The following PDE10A variants were observed in gnomAD, a reference collection of about 807,000 sequenced individuals.
PDE10A encodes the protein phosphodiesterase 10A, also known as cAMP and cAMP-inhibited cGMP 3',5'-cyclic phosphodiesterase 10A.
Under a neutral mutation model 97.7 loss-of-function variants are expected in PDE10A, and 39 were observed. The observed-to-expected ratio is 0.40, with a 90% CI of 0.31 to 0.52. The LOEUF (loss-of-function observed/expected upper bound fraction) is 0.52. Ranked by LOEUF, PDE10A falls within the 20% of genes least tolerant of loss-of-function variation. PDE10A has a pLI of 0.56. For missense variants in PDE10A, 731 were observed against 1,047.8 expected (o/e 0.70, Z 4.17); for synonymous variants, 371 against 376.8 (o/e 0.98, Z 0.18).
At chr6:165,515,287 T>G (rs1200529978) in intron 2 of PDE10A, among the ~76,000 whole-genome samples, 2 of 152,148 alleles carry the variant, frequency 1.3e-5, no homozygotes, top group Non-Finnish European at 2.9e-5. Context: ...GTTAACTATG[T>G]TCTCAATACT....
chr6:165,678,123 TTG>T (rs780792432), intron 1 of PDE10A, among the ~76,000 whole-genome samples: 255 of 23,470 alleles, frequency 0.011, no homozygotes, highest in Non-Finnish European at 0.023. Flanking sequence ...GTGGGTGTGT[TTG>T]TGTTTGTGTA....
upstream of PDE10A, among the ~76,000 whole-genome samples, chr6:165,664,011 G>C (rs185754179): frequency 4.6e-5 from 7 of 152,330 alleles, no homozygotes; most frequent in Non-Finnish European, 1.0e-4. Context: ...GGCACGCGCG[G>C]CGGGGCCACC....
chr6:165,570,690 T>C (rs1360987090), intron 1 of PDE10A, among the ~76,000 whole-genome samples: 1 of 152,244 alleles, frequency 6.6e-6, no homozygotes, highest in African/African-American at 2.4e-5. Context: ...ATCACTTTCT[T>C]AAGCATTGAT....
intron 3 of PDE10A, among the ~76,000 whole-genome samples, chr6:165,455,055 TG>T (rs1251266693): frequency 6.6e-6 from 1 of 152,208 alleles, no homozygotes; most frequent in Admixed American, 6.5e-5. Flanking sequence ...GGCAGCCATT[TG>T]CCTGGGTGAC....
At chr6:165,727,911 G>C (rs1216315660) in intron 1 of PDE10A, among the ~76,000 whole-genome samples, 1 of 152,068 alleles carries the variant, frequency 6.6e-6, no homozygotes. Flanking sequence ...GCATCAGGAG[G>C]AAAGGAAAAA....
chr6:165,609,885 C>T (rs1049790733), intron 1 of PDE10A, among the ~76,000 whole-genome samples: 16 of 152,170 alleles, frequency 1.1e-4, no homozygotes, highest in Admixed American at 4.6e-4. Context: ...AAGAACATTC[C>T]ATGCTCATGG....
rs1780966554 is a variant in PDE10A, at chr6:165,863,683, ACTAT to A, written c.-615+123842_-615+123845del. On this transcript the variant is annotated intron_variant, in intron 1 of 19. Coordinates refer to the PDE10A transcript ENST00000366882. ...ATGGGAGTTAGTCATACAATACTTCACTATCAATCAATAAACAAAAATGAATATA... is the reference window on the plus strand; with the variant it reads ...ATGGGAGTTAGTCATACAATACTTCACAATCAATAAACAAAAATGAATATA... Among the ~76,000 whole-genome samples the A allele has an allele frequency of 2.0e-5, 3 of 152,238 alleles. No individual in the cohort carries two copies. In the South Asian group the frequency reaches 6.2e-4, roughly 31 times the overall value.
chr6:165,890,033 C>CTCACTCCTCCCTCACTCT (rs1781746836), intron 1 of PDE10A, among the ~76,000 whole-genome samples: 1 of 138,362 alleles, frequency 7.2e-6, no homozygotes, highest in Non-Finnish European at 1.6e-5. Context: ...TCCTCCCTCC[C>CTCACTCCTCCCTCACTCT]TCACTCCTCC....
intron 1 of PDE10A, among the ~76,000 whole-genome samples, chr6:165,818,865 G>A (rs1001806401): frequency 6.6e-6 from 1 of 152,204 alleles, no homozygotes; most frequent in East Asian, 1.9e-4. Context: ...GTGTTAGACA[G>A]TACACAGCTG....
At chr6:165,381,165 T>C (rs1168452941) in intron 17 of PDE10A, among the ~76,000 whole-genome samples, 2 of 152,228 alleles carry the variant, frequency 1.3e-5, no homozygotes, top group Non-Finnish European at 2.9e-5. Context: ...GCCTAGGCTC[T>C]GTAAATTCTG....
chr6:165,369,046 CAG>C (rs1784021200), intron 18 of PDE10A, among the ~76,000 whole-genome samples: 1 of 152,040 alleles, frequency 6.6e-6, no homozygotes, highest in South Asian at 2.1e-4. Context: ...AACTAACAAA[CAG>C]AAAGGACATC....
intron 1 of PDE10A, among the ~76,000 whole-genome samples, chr6:165,954,540 C>T (rs764114129): frequency 3.3e-5 from 5 of 152,124 alleles, no homozygotes; most frequent in Non-Finnish European, 7.4e-5. Context: ...GGTTAGGATT[C>T]GTTTTGCTAA....
intron 16 of PDE10A, among the ~76,000 whole-genome samples, chr6:165,392,263 T>C (rs1314278007): frequency 5.3e-5 from 8 of 152,236 alleles, no homozygotes; most frequent in Admixed American, 3.9e-4. Flanking sequence ...AAAACACTTA[T>C]GTCTTCACAG....
intron 13 of PDE10A, among the ~76,000 whole-genome samples, chr6:165,407,217 A>AT (rs1176596406): frequency 3.9e-5 from 6 of 152,104 alleles, no homozygotes; most frequent in African/African-American, 1.4e-4. Context: ...CTTCGTAGTA[A>AT]TTGTCTTCCC....
chr6:165,800,908 G>A (rs1583110773), intron 1 of PDE10A, among the ~76,000 whole-genome samples: 2 of 152,154 alleles, frequency 1.3e-5, no homozygotes, highest in African/African-American at 4.8e-5. Flanking sequence ...ACTGCACTCT[G>A]AGAGTTGAAA....
At chr6:165,793,147 T>C (rs978438993) in intron 1 of PDE10A, among the ~76,000 whole-genome samples, 1 of 152,114 alleles carries the variant, frequency 6.6e-6, no homozygotes, top group Non-Finnish European at 1.5e-5. Flanking sequence ...AAACTGGGCT[T>C]TATGTGGAAG....
chr6:165,511,772 T>C (rs1005995798), intron 2 of PDE10A, among the ~76,000 whole-genome samples: 3 of 152,076 alleles, frequency 2.0e-5, no homozygotes, highest in African/African-American at 7.2e-5. Flanking sequence ...CTACATGATC[T>C]CATTTGTATT....
chr6:165,984,118 T>C (rs1785107155), intron 1 of PDE10A, among the ~76,000 whole-genome samples: 1 of 152,244 alleles, frequency 6.6e-6, no homozygotes, highest in South Asian at 2.1e-4. Context: ...GCATTTTTAG[T>C]TGCCAAATAC....
intron 1 of PDE10A, among the ~76,000 whole-genome samples, chr6:165,839,896 T>C (rs1780186149): frequency 6.6e-6 from 1 of 151,390 alleles, no homozygotes; most frequent in African/African-American, 2.4e-5. Flanking sequence ...TCCATCCCCA[T>C]TCCCATCTCC....
Sources: allele counts gnomAD v4.1 joint callset (sites outside exome capture counted in the v4.1 genomes callset), GRCh38; gene constraint gnomAD v4.1.1; transcripts MANE v1.5; gene names NCBI Gene and HGNC (gene_info 2026-07-23, HGNC 2026-07-21).